TGFBR3: variants seen among roughly 807,000 people sequenced by gnomAD.
TGFBR3 encodes transforming growth factor beta receptor type 3.
TGFBR3 carries 46 observed loss-of-function variants against 87.9 expected under a neutral mutation model. The ratio of observed to expected loss-of-function variants is 0.52; its 90% CI spans 0.41 to 0.67. TGFBR3 has a LOEUF of 0.67. Ranked by LOEUF, TGFBR3 falls within the 30% of genes least tolerant of loss-of-function variation. The probability of loss-of-function intolerance (pLI) is 0.00; values close to 1 mark genes in which losing one functional copy is unlikely to be tolerated. For missense variants in TGFBR3, 866 were observed against 1,041.9 expected (o/e 0.83, Z 2.32); for synonymous variants, 381 against 391.6 (o/e 0.97, Z 0.32).
intron 2 of TGFBR3, among the ~76,000 whole-genome samples, chr1:91,856,268 G>A (rs980529832): frequency 8.6e-5 from 13 of 152,020 alleles, no homozygotes; most frequent in Non-Finnish European, 1.9e-4. Flanking sequence ...GGGTTTCACC[G>A]TGTTAGCCAG....
At position 91,701,263 on chromosome 1, in the gene TGFBR3, CAAT is replaced by C. The variant is rs3834074; in HGVS notation, c.2288-3136_2288-3134del. ...TCTCTTCGTGATTTCTGAGCACAAA[CAAT>C]AACAAGCAGAAGCTGCAGAACTGAG... is the stretch of plus-strand genomic sequence containing the variant. On this transcript the variant is annotated intron_variant, in intron 14 of 16. Transcript: ENST00000212355. 2.9e-3 allele frequency among the ~76,000 whole-genome samples: 448 copies of C among 151,978 alleles called. 15 individuals carry two copies. The East Asian group carries it at 0.076, about 26-fold the overall frequency.
At chr1:91,828,643 C>T (rs1287570316) in intron 2 of TGFBR3, among the ~76,000 whole-genome samples, 2 of 152,172 alleles carry the variant, frequency 1.3e-5, no homozygotes, top group Non-Finnish European at 2.9e-5. Flanking sequence ...GTGAAAGGGT[C>T]CCTCTGGATG....
chr1:91,751,151 G>GT (rs564614333), intron 4 of TGFBR3, among the ~76,000 whole-genome samples: 5 of 152,024 alleles, frequency 3.3e-5, no homozygotes, highest in Admixed American at 6.5e-5. Flanking sequence ...CTAATTCTGT[G>GT]TTTTTTTCTA....
intron 9 of TGFBR3, 116 bp from the exon 10 acceptor site, chr1:91,719,580 G>A (rs192313655): frequency 7.0e-5 from 91 of 1,307,296 alleles, no homozygotes; most frequent in East Asian, 2.6e-4. Context: ...GGCCTGCATC[G>A]TGCCCCTTCC....
chr1:91,857,320 A>G (rs1677994299), intron 2 of TGFBR3, among the ~76,000 whole-genome samples: 1 of 152,114 alleles, frequency 6.6e-6, no homozygotes, highest in Non-Finnish European at 1.5e-5. Context: ...ACCTCCTGCT[A>G]CATTTCCACA....
At chr1:91,834,091 T>C (rs1280126034) in intron 2 of TGFBR3, among the ~76,000 whole-genome samples, 2 of 152,236 alleles carry the variant, frequency 1.3e-5, no homozygotes, top group Non-Finnish European at 2.9e-5. Flanking sequence ...TACATTTTTT[T>C]CCTACATTGT....
intron 16 of TGFBR3, among the ~76,000 whole-genome samples, chr1:91,692,659 C>T (rs1003069470): frequency 6.6e-6 from 1 of 152,136 alleles, no homozygotes; most frequent in African/African-American, 2.4e-5. Flanking sequence ...CTCCTCTCTA[C>T]AGCATCTTAG....
intron 3 of TGFBR3, among the ~76,000 whole-genome samples, chr1:91,765,373 C>T (rs1557699128): frequency 6.6e-6 from 1 of 151,656 alleles, no homozygotes; most frequent in Non-Finnish European, 1.5e-5. Flanking sequence ...ATTACAGAGT[C>T]ATATTGACCT....
chr1:91,762,309 A>G (rs1318757465), intron 3 of TGFBR3, among the ~76,000 whole-genome samples: 1 of 152,212 alleles, frequency 6.6e-6, no homozygotes, highest in Non-Finnish European at 1.5e-5. Context: ...TCAGGGAATT[A>G]CATTCATTGC....
chr1:91,782,441 C>A (rs1436621471), intron 3 of TGFBR3, among the ~76,000 whole-genome samples: 2 of 152,146 alleles, frequency 1.3e-5, no homozygotes, highest in African/African-American at 2.4e-5. Context: ...TCCCAACGGA[C>A]CTTTGGCTCC....
In TGFBR3 at chr1:91,797,359, A is replaced by T; in HGVS notation, c.174T>A (p.Thr58=). 6.2e-7 allele frequency: 1 copy of T among 1,614,228 alleles called. No homozygotes were observed. The highest frequency in any genetic ancestry group is 8.5e-7 in the Non-Finnish European group (1 of 1,180,032). ...VLSGCASRGT[T]GLPQEVHVLN... ...GGACATGCACCTCCTGTGGCAGCCC[A>T]GTTGTGCCTCTGCTGGCACAGCCTG... Residue 58 remains threonine (T), a synonymous_variant, in exon 3 of 17, where the codon ACT becomes ACA. Coordinates refer to ENST00000212355, the MANE Select transcript of TGFBR3 (RefSeq NM_003243.5).
intron 14 of TGFBR3, among the ~76,000 whole-genome samples, chr1:91,704,590 A>G (rs555409928): frequency 1.3e-5 from 2 of 152,306 alleles, no homozygotes; most frequent in South Asian, 2.1e-4. Flanking sequence ...AAATATAATA[A>G]TCCACATAAA....
chr1:91,746,083 G>A (rs559720034), intron 4 of TGFBR3, among the ~76,000 whole-genome samples: 11 of 151,982 alleles, frequency 7.2e-5, no homozygotes, highest in African/African-American at 1.4e-4. Context: ...GACTGAAACC[G>A]CCCCATGTTC....
rs139699820 is a variant in TGFBR3 at position 91,730,472 on chromosome 1, T to C, written c.569-499A>G. Among the ~76,000 whole-genome samples the C allele has an allele frequency of 2.5e-4, 38 of 152,274 alleles. 2 individuals are homozygous for C. The East Asian group carries it at 7.2e-3, about 29-fold the overall frequency. On this transcript the variant is annotated intron_variant, in intron 5 of 16. Coordinates refer to ENST00000212355, the MANE Select transcript of TGFBR3 (RefSeq NM_003243.5). ...TCATTCTTTTTCTAGGTGATCTCAA[T>C]CACTCCCATGGTTTCAACCTGTACC...
chr1:91,719,448 C>T lies in TGFBR3; in HGVS notation c.1430G>A (p.Gly477Glu). 6.2e-7 allele frequency: 1 copy of T among 1,614,062 alleles called. No homozygotes were observed. Among genetic ancestry groups the T allele is most frequent in the South Asian group, 1.1e-5 (1 of 91,076 alleles). The change falls in exon 10 of 17, where the codon GGG becomes GAG. Residue 477 changes from glycine (G) to glutamate (E), a missense_variant. Physicochemically the swap from Gly to Glu is moderately conservative, Grantham distance 98 (BLOSUM62 -2). Transcript: ENST00000212355. The stretch of plus-strand genomic sequence containing the variant: ...AGGATCCAACAGGGTGACGTCCATC[C>T]CCGAGTAGCCACTGGCCTAAAACAA... Reference protein sequence around the residue: ...KDSFQASGYSGMDVTLLDPTC... With the variant: ...KDSFQASGYSEMDVTLLDPTC...
In TGFBR3 at chr1:91,767,165, AAGTT is replaced by A. The variant is rs1674214709; in HGVS notation, c.247-8419_247-8416del. Among the ~76,000 whole-genome samples, 2 of 134,268 alleles carry A rather than the reference AAGTT, an allele frequency of 1.5e-5. 1 individual carries two copies. Among genetic ancestry groups the A allele is most frequent in the African/African-American group, 5.6e-5 (2 of 35,710 alleles). 88.1% of individuals were successfully genotyped at this position (134,268 alleles called of 152,430 possible). ...GGATTTCTGTTTAAGCAGCATCTTA[AAGTT>A]AGTTAATTTGTAATAGCAAAAACAA... On this transcript the variant is annotated intron_variant, in intron 3 of 16. Transcript: ENST00000212355.
At chr1:91,796,729 T>C (rs11466574) in intron 3 of TGFBR3, among the ~76,000 whole-genome samples, 16 of 152,252 alleles carry the variant, frequency 1.1e-4, no homozygotes, top group African/African-American at 3.9e-4. Flanking sequence ...ATTATTATTA[T>C]TATTTTTGAA....
chr1:91,716,285 G>C lies in TGFBR3; in HGVS notation c.1817C>G (p.Pro606Arg). ...ELYNTDLFLV[P>R]SQGVFSVPEN... Reference sequence around the variant, plus strand: ...TGGCACAGAGAAGACGCCCTGGGAGGGCACCAAAAAGAGGTCAGTGTTGTA... The same window carrying C: ...TGGCACAGAGAAGACGCCCTGGGAGCGCACCAAAAAGAGGTCAGTGTTGTA... The change falls in exon 12 of 17, where the codon CCC becomes CGC. Residue 606 changes from proline to arginine, a missense_variant. Pro to Arg is a moderately radical substitution (Grantham distance 103, BLOSUM62 -2). Coordinates refer to ENST00000212355, the MANE Select transcript of TGFBR3 (RefSeq NM_003243.5). 1.2e-6 allele frequency: 2 copies of C among 1,614,076 alleles called. No homozygotes were observed. Among genetic ancestry groups the C allele is most frequent in the Non-Finnish European group, 1.7e-6 (2 of 1,180,004 alleles).
chr1:91,826,016 A>G (rs917820565), intron 2 of TGFBR3, among the ~76,000 whole-genome samples: 2 of 151,386 alleles, frequency 1.3e-5, no homozygotes, highest in African/African-American at 4.8e-5. Context: ...GCAATGTTTG[A>G]TAAAAGTTAA....
Sources: allele counts gnomAD v4.1 joint callset (sites outside exome capture counted in the v4.1 genomes callset), GRCh38; gene constraint gnomAD v4.1.1; transcripts MANE v1.5; gene names NCBI Gene and HGNC (gene_info 2026-07-23, HGNC 2026-07-21).